Variants in DEUP1 observed in about 807,000 individuals in gnomAD.
DEUP1 encodes deuterosome assembly protein 1.
A neutral mutation model predicts 87.4 loss-of-function variants in DEUP1; 82 were observed. The ratio of observed to expected loss-of-function variants is 0.94; its 90% CI spans 0.78 to 1.13. The LOEUF (loss-of-function observed/expected upper bound fraction) is 1.13, where lower values mean the gene tolerates loss of function less well. Ranked by LOEUF, DEUP1 falls within the 50% of genes most tolerant of loss-of-function variation. DEUP1 has a pLI of 0.00. For missense variants in DEUP1, 663 were observed against 681.5 expected, an observed-to-expected ratio of 0.97 and a Z score of 0.30; for synonymous variants, 214 against 222.7, an observed-to-expected ratio of 0.96 and a Z score of 0.35.
chr11:93,359,160 G>A (rs898663457), intron 4 of DEUP1, among the ~76,000 whole-genome samples: 1 of 152,110 alleles, frequency 6.6e-6, no homozygotes, highest in Non-Finnish European at 1.5e-5. Context: ...AGCAGAAAAT[G>A]GTATCTTGTG....
At chr11:93,396,112 G>T in intron 10 of DEUP1, 127 bp from the exon 11 acceptor site, 1 of 661,808 alleles carries the variant, frequency 1.5e-6, no homozygotes, top group Non-Finnish European at 2.7e-6. Context: ...GAATGTTATT[G>T]GTCGTACCGA....
chr11:93,397,052 G>C (rs1946966958), intron 11 of DEUP1, among the ~76,000 whole-genome samples: 1 of 151,990 alleles, frequency 6.6e-6, no homozygotes, highest in African/African-American at 2.4e-5. Flanking sequence ...TCATTTATTT[G>C]CTCTGAGAAA....
In DEUP1 at chr11:93,336,442, T is replaced by A. The variant is rs187286088; in HGVS notation, c.29+4154T>A. 2.8e-3 allele frequency among the ~76,000 whole-genome samples: 430 copies of A among 152,320 alleles called. 2 individuals carry two copies. Among genetic ancestry groups the A allele is most frequent in the African/African-American group, 9.6e-3 (401 of 41,572 alleles). On this transcript the variant is annotated intron_variant, in intron 2 of 13. Transcript: ENST00000298050. The stretch of plus-strand genomic sequence containing the variant: ...CTTATTGACAGTGGTCTTTACTCCA[T>A]AGTCATCAGACTAGGCAGTTTCCTT...
rs1335493805 is a variant in DEUP1, at chr11:93,371,211, C to G, written c.720C>G (p.Ser240Arg). 6.2e-7 allele frequency: 1 copy of G among 1,613,012 alleles called. No individual in the cohort carries two copies. The highest frequency in any genetic ancestry group is 1.1e-5 in the South Asian group (1 of 90,908). ...LKSAVNEIAL[S>R]RNKLQDENQK... ...CAGCTGTAAATGAGATAGCACTAAGCAGGAATAAATTACAAGATGAAAATC... is the reference window on the plus strand; with the variant it reads ...CAGCTGTAAATGAGATAGCACTAAGGAGGAATAAATTACAAGATGAAAATC... Residue 240 changes from serine to arginine, a missense_variant, in exon 7 of 14, where the codon AGC (serine) becomes AGG (arginine). Ser to Arg is a moderately radical substitution (Grantham distance 110). Coordinates refer to ENST00000298050, the MANE Select transcript of DEUP1 (RefSeq NM_181645.4).
At chr11:93,417,769 G>A (rs1295926393) in intron 13 of DEUP1, among the ~76,000 whole-genome samples, 1 of 151,338 alleles carries the variant, frequency 6.6e-6, no homozygotes, top group Non-Finnish European at 1.5e-5. Context: ...CATGCTACCT[G>A]ACTTCAAACT....
In DEUP1 at chr11:93,354,206, G is replaced by T. The variant is rs114388193; in HGVS notation, c.30-1165G>T. Reference sequence around the variant, plus strand: ...AGTTCCACAAATCTCTAGGTCAGAGGAAAAATGCCTCCAGTCTCTTTGATA... The same window carrying T: ...AGTTCCACAAATCTCTAGGTCAGAGTAAAAATGCCTCCAGTCTCTTTGATA... On this transcript the variant is annotated intron_variant, in intron 2 of 13. Coordinates refer to ENST00000298050, the MANE Select transcript of DEUP1 (RefSeq NM_181645.4). Among the ~76,000 whole-genome samples the T allele has an allele frequency of 4.6e-3, 694 of 152,174 alleles. 5 individuals carry two copies. The highest frequency in any genetic ancestry group is 0.015 in the African/African-American group (623 of 41,524).
intron 9 of DEUP1, among the ~76,000 whole-genome samples, chr11:93,390,815 G>A (rs1427486141): frequency 1.3e-5 from 2 of 152,118 alleles, no homozygotes; most frequent in Non-Finnish European, 2.9e-5. Flanking sequence ...CGGGCATGGT[G>A]GCTCACACCT....
At chr11:93,398,451 A>C (rs1210283870) in intron 11 of DEUP1, among the ~76,000 whole-genome samples, 1 of 152,130 alleles carries the variant, frequency 6.6e-6, no homozygotes, top group South Asian at 2.1e-4. Context: ...TGTGTGTTTT[A>C]ATTTTAATAG....
chr11:93,369,451 CAAA>C (rs35149531), intron 5 of DEUP1, among the ~76,000 whole-genome samples: 3 of 130,122 alleles, frequency 2.3e-5, no homozygotes, highest in Admixed American at 7.8e-5. Flanking sequence ...GTGGCAAATG[CAAA>C]AAAAAAAAAA....
At chr11:93,347,940 C>T (rs571621257) in intron 2 of DEUP1, among the ~76,000 whole-genome samples, 4 of 152,188 alleles carry the variant, frequency 2.6e-5, no homozygotes, top group African/African-American at 9.6e-5. Context: ...CAGGGTTTCA[C>T]CATGTTAGCC....
At chr11:93,432,737 G>A (rs1489073067) in intron 13 of DEUP1, among the ~76,000 whole-genome samples, 3 of 152,174 alleles carry the variant, frequency 2.0e-5, no homozygotes, top group Non-Finnish European at 4.4e-5. Flanking sequence ...GGAAGAGAGA[G>A]TATGAGGAAG....
chr11:93,368,879 T>C (rs1347427541), intron 5 of DEUP1, among the ~76,000 whole-genome samples: 1 of 151,932 alleles, frequency 6.6e-6, no homozygotes, highest in African/African-American at 2.4e-5. Context: ...GAGGTTGCAG[T>C]GAGCCAAGAT....
intron 13 of DEUP1, among the ~76,000 whole-genome samples, chr11:93,418,113 A>G (rs549594380): frequency 6.6e-6 from 1 of 152,340 alleles, no homozygotes; most frequent in African/African-American, 2.4e-5. Context: ...TTCAGGACAT[A>G]GGCACGGGCA....
rs1019442083 is a variant in DEUP1, at chr11:93,413,472, G to C, written c.1524-1528G>C. Among the ~76,000 whole-genome samples, 3 of 152,164 alleles carry C rather than the reference G, an allele frequency of 2.0e-5. No homozygotes were observed. The South Asian group carries it at 6.2e-4, about 31-fold the overall frequency. On this transcript the variant is annotated intron_variant, in intron 12 of 13. Coordinates refer to ENST00000298050, the MANE Select transcript of DEUP1 (RefSeq NM_181645.4). ...TTAGCCGAGATGGTCTCGATCTCCT[G>C]ACCTCGTGATCTGCCTGCCTCAGCC...
chr11:93,364,528 A>G (rs1945318615), intron 5 of DEUP1, among the ~76,000 whole-genome samples: 1 of 144,436 alleles, frequency 6.9e-6, no homozygotes, highest in South Asian at 2.1e-4. Flanking sequence ...TTGGGAGATT[A>G]AAAAAAAAAG....
intron 2 of DEUP1, among the ~76,000 whole-genome samples, chr11:93,339,997 C>T (rs1299885657): frequency 2.0e-5 from 3 of 152,036 alleles, no homozygotes; most frequent in African/African-American, 4.8e-5. Context: ...ACCAGAAGCT[C>T]GTAATATAAT....
chr11:93,390,891 G>C (rs1286171931), intron 9 of DEUP1, among the ~76,000 whole-genome samples: 2 of 152,166 alleles, frequency 1.3e-5, no homozygotes, highest in African/African-American at 4.8e-5. Context: ...AGACCAGCCT[G>C]ACCAACATGG....
chr11:93,334,590 A>G (rs1410508444), intron 2 of DEUP1, among the ~76,000 whole-genome samples: 1 of 137,018 alleles, frequency 7.3e-6, no homozygotes, highest in Non-Finnish European at 1.7e-5. Flanking sequence ...AGCAGAGATT[A>G]TATCTGGGGA....
chr11:93,358,927 A>C (rs981059591), intron 4 of DEUP1, among the ~76,000 whole-genome samples: 10 of 152,090 alleles, frequency 6.6e-5, no homozygotes, highest in African/African-American at 2.4e-4. Context: ...CACTGTAAAC[A>C]GGGGTTTCGT....
Sources: allele counts gnomAD v4.1 joint callset (sites outside exome capture counted in the v4.1 genomes callset), GRCh38; gene constraint gnomAD v4.1.1; transcripts MANE v1.5; gene names NCBI Gene and HGNC (gene_info 2026-07-23, HGNC 2026-07-21).